ACSBG1: variants seen among roughly 807,000 people sequenced by gnomAD.
ACSBG1 encodes acyl-CoA synthetase bubblegum family member 1.
A neutral mutation model predicts 80.2 loss-of-function variants in ACSBG1; 39 were observed. The observed-to-expected ratio is 0.49, with a 90% confidence interval of 0.38 to 0.64. The LOEUF (loss-of-function observed/expected upper bound fraction) is 0.64, where lower values mean the gene tolerates loss of function less well. ACSBG1 is among the 30% of genes least tolerant of loss of function. The probability of loss-of-function intolerance (pLI) is 0.00; values close to 1 mark genes in which losing one functional copy is unlikely to be tolerated. For missense variants in ACSBG1, 828 were observed against 966.4 expected, an observed-to-expected ratio of 0.86 and a Z score of 1.90; for synonymous variants, 392 against 379.5, an observed-to-expected ratio of 1.03 and a Z score of -0.38.
chr15:78,181,924 C>T (rs2074949300), intron 8 of ACSBG1, 45 bp downstream of exon 8: 44 of 1,592,566 alleles, frequency 2.8e-5, no homozygotes, highest in Non-Finnish European at 3.8e-5. Flanking sequence ...GTGGACGTGG[C>T]CTGGCACACG....
In ACSBG1 at chr15:78,182,608, T is replaced by C; in HGVS notation, c.752A>G (p.Glu251Gly). ...CACTTCATTCCCCAGCTCCATGAAT[T>C]CCTCCATCTGTAGCCAGATGCAGGG... ...NKMANVYTME[E>G]FMELGNEVPE... is the part of the protein sequence containing the mutation. Residue 251 changes from glutamate to glycine, a missense_variant, in exon 7 of 14, where the codon GAA (glutamate) becomes GGA (glycine). Physicochemically the swap from Glu to Gly is moderately conservative, Grantham distance 98. Transcript: ENST00000258873. The C allele has an allele frequency of 6.2e-7, 1 of 1,613,960 alleles. No homozygotes were observed. The highest frequency in any genetic ancestry group is 1.1e-5 in the South Asian group (1 of 91,076).
At chr15:78,215,770 G>GAAAGAA in intron 1 of ACSBG1, among the ~76,000 whole-genome samples, 1 of 149,530 alleles carries the variant, frequency 6.7e-6, no homozygotes, top group Non-Finnish European at 1.5e-5. Context: ...AAGAAAGAAA[G>GAAAGAA]AAAGAAAGAA....
At chr15:78,226,613 A>AAG in intron 1 of ACSBG1, 1 of 230,860 alleles carries the variant, frequency 4.3e-6, no homozygotes, top group Non-Finnish European at 8.8e-6. Context: ...TCTCTACAAA[A>AAG]AAAAAAAAAA....
intron 1 of ACSBG1, among the ~76,000 whole-genome samples, chr15:78,233,896 A>G (rs1379714988): frequency 6.6e-6 from 1 of 152,212 alleles, no homozygotes; most frequent in African/African-American, 2.4e-5. Context: ...GAAGGGCTTT[A>G]GGGAAACCTC....
chr15:78,227,466 T>C (rs1291656617), intron 1 of ACSBG1, among the ~76,000 whole-genome samples: 10 of 152,104 alleles, frequency 6.6e-5, no homozygotes, highest in East Asian at 1.9e-4. Context: ...CTCAATATCA[T>C]TGATCATCAG....
chr15:78,193,674 C>T, intron 4 of ACSBG1, 48 bp from the exon 5 acceptor site: 1 of 1,578,806 alleles, frequency 6.3e-7, no homozygotes, highest in Non-Finnish European at 8.6e-7. Context: ...GCAGAGGGGC[C>T]ACCCCCTTCC....
At chr15:78,190,004 G>T (rs1020918681) in intron 5 of ACSBG1, among the ~76,000 whole-genome samples, 8 of 152,022 alleles carry the variant, frequency 5.3e-5, no homozygotes, top group Non-Finnish European at 8.8e-5. Context: ...CTGAAAAGAT[G>T]ATATCAGATA....
At chr15:78,194,402 T>C in intron 3 of ACSBG1, 104 bp downstream of exon 3, 1 of 1,080,290 alleles carries the variant, frequency 9.3e-7, no homozygotes, top group Non-Finnish European at 1.4e-6. Flanking sequence ...TTATTGTTCC[T>C]AAGAGCCTTG....
intron 2 of ACSBG1, among the ~76,000 whole-genome samples, chr15:78,203,316 G>C (rs941082545): frequency 2.0e-5 from 3 of 152,204 alleles, no homozygotes; most frequent in Admixed American, 1.3e-4. Context: ...CTGTTGCCCA[G>C]CAAGGCACCC....
intron 1 of ACSBG1, among the ~76,000 whole-genome samples, chr15:78,233,838 G>A (rs925686093): frequency 6.6e-6 from 1 of 152,224 alleles, no homozygotes; most frequent in Non-Finnish European, 1.5e-5. Flanking sequence ...TGCCTGATAC[G>A]TTGAATCCAC....
chr15:78,181,202 T>C (rs536275412), intron 8 of ACSBG1: 1 of 445,712 alleles, frequency 2.2e-6, no homozygotes, highest in South Asian at 6.1e-5. Flanking sequence ...TCCATGAGTC[T>C]AACTTAGACA....
At chr15:78,224,198 G>A (rs1264366546) in intron 1 of ACSBG1, among the ~76,000 whole-genome samples, 1 of 152,108 alleles carries the variant, frequency 6.6e-6, no homozygotes, top group Non-Finnish European at 1.5e-5. Flanking sequence ...TTGAAAGCAG[G>A]TCTTCCCACT....
intron 1 of ACSBG1, among the ~76,000 whole-genome samples, chr15:78,222,895 A>G (rs759141558): frequency 9.9e-5 from 15 of 152,210 alleles, no homozygotes; most frequent in Non-Finnish European, 5.9e-5. Context: ...AAAGAATGAC[A>G]TTTTTATTTA....
intron 2 of ACSBG1, among the ~76,000 whole-genome samples, chr15:78,203,495 G>T (rs1029991454): frequency 3.3e-5 from 5 of 152,020 alleles, no homozygotes; most frequent in African/African-American, 4.8e-5. Flanking sequence ...CCCAGGCAAG[G>T]TTGGCACTCT....
intron 7 of ACSBG1, 29 bp from the exon 8 acceptor site, chr15:78,182,174 G>A: frequency 1.3e-6 from 2 of 1,598,880 alleles, no homozygotes; most frequent in South Asian, 2.2e-5. Flanking sequence ...GATCCCAGCA[G>A]TGTCCACAAG....
chr15:78,193,503 A>G lies in ACSBG1; in HGVS notation c.663+3T>C. ...CCCCATGCCCACTGCCTCTTCCCCAAACCTTCAGGATCTTTTCCAGCTGCT... is the reference window on the plus strand; with the variant it reads ...CCCCATGCCCACTGCCTCTTCCCCAGACCTTCAGGATCTTTTCCAGCTGCT... On this transcript the variant is annotated splice_donor_region_variant and intron_variant, in intron 5 of 13. Coordinates refer to ENST00000258873, the MANE Select transcript of ACSBG1 (RefSeq NM_015162.5). 6.2e-7 allele frequency: 1 copy of G among 1,606,878 alleles called. No homozygotes were observed. Among genetic ancestry groups the G allele is most frequent in the Non-Finnish European group, 8.5e-7 (1 of 1,175,852 alleles).
intron 2 of ACSBG1, among the ~76,000 whole-genome samples, chr15:78,195,826 C>T (rs2075108799): frequency 6.6e-6 from 1 of 152,150 alleles, no homozygotes; most frequent in African/African-American, 2.4e-5. Context: ...GGTGGGGCTG[C>T]CCTGCCACCT....
chr15:78,205,212 G>C (rs2075202343), intron 2 of ACSBG1, among the ~76,000 whole-genome samples: 1 of 152,106 alleles, frequency 6.6e-6, no homozygotes, highest in Non-Finnish European at 1.5e-5. Context: ...GTGAAGGTCA[G>C]ATTCCAGTGT....
intron 1 of ACSBG1, among the ~76,000 whole-genome samples, chr15:78,221,114 G>A (rs1336961978): frequency 1.3e-5 from 2 of 152,206 alleles, no homozygotes; most frequent in East Asian, 1.9e-4. Context: ...GAGAGACTGA[G>A]AAAAGAAATA....
Sources: gnomAD v4.1 joint callset for allele counts (sites outside exome capture counted in the v4.1 genomes callset) on GRCh38, gnomAD v4.1.1 for gene constraint, MANE v1.5 for transcripts, NCBI Gene and HGNC (gene_info 2026-07-23, HGNC 2026-07-21) for gene names.